The following AXIN2 variants were observed in gnomAD, a reference collection of about 807,000 sequenced individuals.
The protein encoded by AXIN2 is axin-2.
A neutral mutation model predicts 74.7 loss-of-function variants in AXIN2; 21 were observed. The observed-to-expected ratio is 0.28, with a 90% CI of 0.20 to 0.40. AXIN2 has a LOEUF of 0.40. Ranked by LOEUF, AXIN2 falls within the 10% of genes least tolerant of loss-of-function variation. The probability of loss-of-function intolerance (pLI) is 1.00; values close to 1 mark genes in which losing one functional copy is unlikely to be tolerated. For synonymous variants in AXIN2, 532 were observed against 454.9 expected, an observed-to-expected ratio of 1.17 and a Z score of -2.16; for missense variants, 1,144 against 1,111.1, an observed-to-expected ratio of 1.03 and a Z score of -0.42.
At position 65,558,668 on chromosome 17, in the gene AXIN2, T is replaced by C. The variant is rs1413017579; in HGVS notation, c.-48A>G. 1 of 1,566,664 alleles carries C rather than the reference T, an allele frequency of 6.4e-7. No individual in the cohort carries two copies. The highest frequency in any genetic ancestry group is 8.6e-7 in the Non-Finnish European group (1 of 1,158,922). On this transcript the variant is annotated 5_prime_UTR_variant, in exon 2 of 11. Transcript: ENST00000307078. ...AGTCTGGGAATTTTTCTTCTTCCAG[T>C]TCCTCTCAGCAATCGGCGTGGTCTC...
chr17:65,538,965 TCTCTCTTTGTACAGAAA>T (rs1383201661), intron 4 of AXIN2, among the ~76,000 whole-genome samples: 1 of 148,328 alleles, frequency 6.7e-6, no homozygotes, highest in Non-Finnish European at 1.5e-5. Context: ...CCCTCCTCCC[TCTCTCTTTGTACAGAAA>T]ATGAAGAAAG....
rs79732150 is a variant in AXIN2 at position 65,534,035 on chromosome 17, G to T, written c.2282C>A (p.Ala761Asp). The T allele has an allele frequency of 1.1e-3, 1,751 of 1,614,230 alleles. 15 individuals are homozygous for T. The African/African-American group carries it at 0.021, about 19-fold the overall frequency. ...KKLAGVHALQ[A>D]SELVVTYFFC... The stretch of plus-strand genomic sequence containing the variant: ...AAAGTAAGTGACAACCAACTCACTG[G>T]CCTGGAGCGCGTGGACACCTGCCAG... Residue 761 changes from alanine (A) to aspartate (D), a missense_variant, in exon 10 of 11, where the codon GCC (alanine) becomes GAC (aspartate). This residue lies in a region of AXIN2 where 1,053 missense variants were observed against 973.5 expected (regional missense o/e 1.08). Transcript: ENST00000307078.
intron 3 of AXIN2, among the ~76,000 whole-genome samples, chr17:65,545,389 C>T (rs1251354063): frequency 1.3e-5 from 2 of 152,150 alleles, no homozygotes; most frequent in East Asian, 1.9e-4. Context: ...TGGCAGTTAA[C>T]GTTAAAAAAA....
At chr17:65,546,363 A>T (rs956590975) in intron 3 of AXIN2, among the ~76,000 whole-genome samples, 12 of 152,112 alleles carry the variant, frequency 7.9e-5, no homozygotes, top group African/African-American at 2.9e-4. Flanking sequence ...AGTTCTGAAG[A>T]GGAGGTCTGA....
intron 10 of AXIN2, 121 bp from the exon 11 acceptor site, chr17:65,530,223 T>C: frequency 1.5e-6 from 2 of 1,337,628 alleles, no homozygotes; most frequent in Non-Finnish European, 2.1e-6. Flanking sequence ...GGTGTGCCTG[T>C]ACACTGTTGC....
chr17:65,547,660 T>G (rs1439136736), intron 3 of AXIN2, among the ~76,000 whole-genome samples: 4 of 152,250 alleles, frequency 2.6e-5, no homozygotes, highest in South Asian at 2.1e-4. Context: ...TCGTCTGACG[T>G]AAACTGCATT....
In AXIN2 at chr17:65,537,002, G is replaced by A. The variant is rs1159551938; in HGVS notation, c.1774C>T (p.Leu592=). ...NGKGTEPGLA[L]PAREGGAPGG... Reference sequence around the variant, plus strand: ...GGGGCCCCTCCTTCCCTGGCGGGCAGGGCCAGGCCCGGCTCCGTGCCTTTC... The same window carrying A: ...GGGGCCCCTCCTTCCCTGGCGGGCAAGGCCAGGCCCGGCTCCGTGCCTTTC... Residue 592 remains leucine (L), a synonymous_variant, in exon 7 of 11, where the codon CTG becomes TTG. Coordinates refer to ENST00000307078, the MANE Select transcript of AXIN2 (RefSeq NM_004655.4). 2.5e-6 allele frequency: 4 copies of A among 1,612,172 alleles called. No individual in the cohort carries two copies. Among genetic ancestry groups the A allele is most frequent in the Non-Finnish European group, 3.4e-6 (4 of 1,179,890 alleles).
rs188723188 is a variant in AXIN2 at position 65,547,308 on chromosome 17, G to A, written c.956+2212C>T. Among the ~76,000 whole-genome samples the A allele has an allele frequency of 2.2e-4, 33 of 152,202 alleles. 1 individual carries two copies. The East Asian group carries it at 3.7e-3, about 17-fold the overall frequency. ...TGGCTCAAAGGTCTCATGACCAACCGGTCCTATTCACAGATCTCATGTTGA... is the reference window on the plus strand; with the variant it reads ...TGGCTCAAAGGTCTCATGACCAACCAGTCCTATTCACAGATCTCATGTTGA... On this transcript the variant is annotated intron_variant, in intron 3 of 10. Transcript: ENST00000307078.
intron 2 of AXIN2, 133 bp downstream of exon 2, chr17:65,557,673 A>G: frequency 1.1e-6 from 1 of 890,460 alleles, no homozygotes; most frequent in Non-Finnish European, 1.7e-6. Flanking sequence ...CAAGATCAAA[A>G]AGGGTTCATG....
At chr17:65,537,868 C>A (rs1266287921) in intron 5 of AXIN2, 33 bp from the exon 6 acceptor site, 3 of 1,515,332 alleles carry the variant, frequency 2.0e-6, no homozygotes, top group Admixed American at 2.2e-5. Flanking sequence ...GAGAAGTGAC[C>A]CAGGAAGCAG....
chr17:65,532,081 G>T (rs1367889713), intron 10 of AXIN2, among the ~76,000 whole-genome samples: 2 of 152,188 alleles, frequency 1.3e-5, no homozygotes, highest in Non-Finnish European at 2.9e-5. Context: ...AGGCAGCTGG[G>T]AGGGCCTTCC....
At chr17:65,548,581 T>C (rs2144532519) in intron 3 of AXIN2, among the ~76,000 whole-genome samples, 2 of 152,280 alleles carry the variant, frequency 1.3e-5, no homozygotes, top group African/African-American at 4.8e-5. Context: ...CAACCGGGTG[T>C]TGGGTGAGAA....
intron 4 of AXIN2, among the ~76,000 whole-genome samples, chr17:65,539,777 C>G (rs2044013839): frequency 6.6e-6 from 1 of 152,192 alleles, no homozygotes; most frequent in African/African-American, 2.4e-5. Context: ...CTGAAGCTGG[C>G]AGGAAGGATT....
rs1384858910 is a variant in AXIN2, at chr17:65,537,848, A to C, written c.1201-13T>G. ...CTCTCTCTTCATCCTGAAAGGGAAGACGTCAGAAGGAGAAGTGACCCAGGA... is the reference window on the plus strand; with the variant it reads ...CTCTCTCTTCATCCTGAAAGGGAAGCCGTCAGAAGGAGAAGTGACCCAGGA... On this transcript the variant is annotated splice_polypyrimidine_tract_variant and intron_variant, in intron 5 of 10. Transcript: ENST00000307078. 1 of 1,536,918 alleles carries C rather than the reference A, an allele frequency of 6.5e-7. No individual in the cohort carries two copies. The highest frequency in any genetic ancestry group is 8.8e-7 in the Non-Finnish European group (1 of 1,141,934).
chr17:65,529,479 C>T lies in AXIN2; in HGVS notation c.*497G>A. 1 of 286,370 alleles carries T rather than the reference C, an allele frequency of 3.5e-6. No homozygotes were observed. Among genetic ancestry groups the T allele is most frequent in the Non-Finnish European group, 6.7e-6 (1 of 150,044 alleles). The allele number at this position is 286,370 out of a possible 1,614,324, so 17.7% of individuals were successfully genotyped here. A position where few individuals can be genotyped will look rare whatever the true frequency, so the allele number is the denominator to read the frequency against. ...CATAATTCCTCTGTTAGTGAAGAAA[C>T]CATGAACGCACTCCTAGCTCAACTC... On this transcript the variant is annotated 3_prime_UTR_variant, in exon 11 of 11. Transcript: ENST00000307078.
chr17:65,535,742 A>G (rs1166205354), intron 8 of AXIN2, 21 bp from the exon 9 acceptor site: 1 of 1,596,694 alleles, frequency 6.3e-7, no homozygotes, highest in East Asian at 2.2e-5. Context: ...AGCCAGGGCG[A>G]GGGATTTAGA....
intron 3 of AXIN2, among the ~76,000 whole-genome samples, chr17:65,544,738 T>C (rs1405843012): frequency 6.6e-6 from 1 of 152,204 alleles, no homozygotes; most frequent in East Asian, 1.9e-4. Context: ...CGGGCCCAGC[T>C]GTTTCTGGGG....
rs760735657 is a variant in AXIN2 at position 65,536,973 on chromosome 17, G to A, written c.1803C>T (p.Gly601=). 1.4e-5 allele frequency: 22 copies of A among 1,612,850 alleles called. No individual in the cohort carries two copies. The Admixed American group carries it at 1.8e-4, about 13-fold the overall frequency. ...ALPAREGGAP[G]GAGALQLPRE... ...GGGGAAGCTGCAGGGCCCCAGCTCC[G>A]CCGGGGGCCCCTCCTTCCCTGGCGG... Residue 601 remains glycine, a synonymous_variant, in exon 7 of 11, where the codon GGC becomes GGT. Transcript: ENST00000307078.
intron 3 of AXIN2, among the ~76,000 whole-genome samples, chr17:65,544,676 TC>T (rs2044093099): frequency 6.6e-6 from 1 of 152,132 alleles, no homozygotes; most frequent in Non-Finnish European, 1.5e-5. Context: ...AGAGTTGTGG[TC>T]CCTATACGGT....
Sources: allele counts gnomAD v4.1 joint callset (sites outside exome capture counted in the v4.1 genomes callset), GRCh38; gene constraint gnomAD v4.1.1; regional missense constraint gnomAD v4.1.1; transcripts MANE v1.5; gene names NCBI Gene and HGNC (gene_info 2026-07-23, HGNC 2026-07-21).